Variants in RAD9B observed in about 807,000 individuals in gnomAD.
RAD9B encodes the protein RAD9 checkpoint clamp component B.
Under a neutral mutation model 48.3 loss-of-function variants are expected in RAD9B, and 41 were observed. The ratio of observed to expected loss-of-function variants is 0.85; its 90% confidence interval spans 0.66 to 1.10. The LOEUF (loss-of-function observed/expected upper bound fraction) is 1.10. Among genes scored for constraint, RAD9B ranks in the 50% least tolerant of loss-of-function variants. RAD9B has a pLI of 0.00. For synonymous variants in RAD9B, 160 were observed against 157.9 expected (o/e 1.01, Z -0.10); for missense variants, 444 against 485.1 (o/e 0.92, Z 0.80).
chr12:110,527,021 A>G (rs888422583), intron 10 of RAD9B, among the ~76,000 whole-genome samples: 2 of 152,146 alleles, frequency 1.3e-5, no homozygotes, highest in Non-Finnish European at 2.9e-5. Context: ...TTGAAACAAC[A>G]TGAATTGAGT....
chr12:110,531,066 T>C lies in RAD9B; in HGVS notation c.*413T>C, dbSNP rs889015028. 2.0e-6 allele frequency: 2 copies of C among 999,016 alleles called. No individual in the cohort carries two copies. The highest frequency in any genetic ancestry group is 1.7e-5 in the African/African-American group (1 of 57,482). 61.9% of individuals were successfully genotyped at this position (999,016 alleles called of 1,614,324 possible). A position where few individuals can be genotyped will look rare whatever the true frequency, so the allele number is the denominator to read the frequency against. Reference sequence around the variant, plus strand: ...GTAGTCAGGTATCTTTTGTATTTGATTGCAAACATTTGGATTTTAGTTTTC... The same window carrying C: ...GTAGTCAGGTATCTTTTGTATTTGACTGCAAACATTTGGATTTTAGTTTTC... On this transcript the variant is annotated 3_prime_UTR_variant, in exon 11 of 11. Transcript: ENST00000409300.
chr12:110,522,697 A>T (rs1006616238), intron 10 of RAD9B, among the ~76,000 whole-genome samples: 2 of 152,220 alleles, frequency 1.3e-5, no homozygotes, highest in East Asian at 1.9e-4. Context: ...AGAATAAATT[A>T]TGATTTTTTT....
intron 6 of RAD9B, among the ~76,000 whole-genome samples, chr12:110,515,504 T>TA (rs897853422): frequency 1.3e-5 from 2 of 151,804 alleles, no homozygotes; most frequent in Admixed American, 6.6e-5. Flanking sequence ...CTACTAAAAA[T>TA]AAAAAAATTA....
intron 4 of RAD9B, among the ~76,000 whole-genome samples, chr12:110,510,065 G>C (rs954672719): frequency 6.6e-6 from 1 of 152,040 alleles, no homozygotes; most frequent in Non-Finnish European, 1.5e-5. Flanking sequence ...ATGTCACTTC[G>C]GTGCTCAAAA....
In RAD9B at chr12:110,506,655, ATAAATGCAAAGTAGT is replaced by A. The variant is rs2063280993; in HGVS notation, c.353_367del (p.Lys118_Val122del). ...AAGTGCAGAATATTCACCAGATCTGATAAATGCAAAGTAGTTATTCAATTCTTCTACAGACATGGT... is the reference window on the plus strand; with the variant it reads ...AAGTGCAGAATATTCACCAGATCTGATATTCAATTCTTCTACAGACATGGT... On this transcript the variant is annotated inframe_deletion, in exon 4 of 11. Transcript: ENST00000409300. 6.3e-7 allele frequency: 1 copy of A among 1,593,750 alleles called. No homozygotes were observed. The highest frequency in any genetic ancestry group is 1.3e-5 in the African/African-American group (1 of 74,520).
chr12:110,502,444 T>C (rs1565870612), intron 1 of RAD9B, 61 bp downstream of exon 1: 1 of 1,574,184 alleles, frequency 6.4e-7, no homozygotes, highest in Non-Finnish European at 8.7e-7. Context: ...TAATAGGTCG[T>C]CCCTACCATT....
intron 8 of RAD9B, 106 bp downstream of exon 8, chr12:110,519,044 T>C (rs569665639): frequency 4.0e-6 from 3 of 743,256 alleles, no homozygotes; most frequent in Non-Finnish European, 6.6e-6. Context: ...ATACCTAAAC[T>C]TTACTATTAA....
At chr12:110,521,927 C>A (rs1018488500) in intron 9 of RAD9B, among the ~76,000 whole-genome samples, 1 of 152,140 alleles carries the variant, frequency 6.6e-6, no homozygotes, top group Non-Finnish European at 1.5e-5. Context: ...GACTTTTCCC[C>A]TAACTTGCTC....
intron 4 of RAD9B, among the ~76,000 whole-genome samples, chr12:110,512,321 G>A (rs1406399615): frequency 6.6e-6 from 1 of 151,224 alleles, no homozygotes; most frequent in Non-Finnish European, 1.5e-5. Context: ...ACTGATTTTT[G>A]TATTTTTAGT....
chr12:110,505,213 C>T (rs994620123), intron 2 of RAD9B, among the ~76,000 whole-genome samples: 14 of 151,848 alleles, frequency 9.2e-5, no homozygotes, highest in African/African-American at 3.4e-4. Context: ...AATAAATTAA[C>T]AGACTTGTCC....
chr12:110,530,705 C>T lies in RAD9B; in HGVS notation c.*52C>T, dbSNP rs2064114768. On this transcript the variant is annotated 3_prime_UTR_variant, in exon 11 of 11. Coordinates refer to ENST00000409300, the MANE Select transcript of RAD9B (RefSeq NM_001286535.2). The stretch of plus-strand genomic sequence containing the variant: ...CAGCCCAGTGACTGGCTCATTTGCC[C>T]CTCAAGCACGAGTTTGCATGTTTAG... 1.9e-6 allele frequency: 3 copies of T among 1,607,846 alleles called. No individual in the cohort carries two copies. The highest frequency in any genetic ancestry group is 2.2e-5 in the East Asian group (1 of 44,780).
At chr12:110,513,731 TTATTA>T (rs1350454307) in intron 5 of RAD9B, among the ~76,000 whole-genome samples, 1,934 of 126,246 alleles carry the variant, frequency 0.015, 25 homozygotes, top group South Asian at 0.053. Flanking sequence ...ATTATTATTA[TTATTA>T]TTTTTGAGAC....
At position 110,519,820 on chromosome 12, in the gene RAD9B, T is replaced by A; in HGVS notation, c.794T>A (p.Met265Lys). ...CCTCTGGCTTTGAGTATTGATGATA[T>A]GTTAGTGGAAGCTAACTTTATTTTG... ...GKPLALSIDD[M>K]LVEANFILAT... is the part of the protein sequence containing the mutation. Residue 265 changes from methionine to lysine, a missense_variant, in exon 9 of 11, where the codon ATG (methionine) becomes AAG (lysine). Transcript: ENST00000409300. 6.2e-7 allele frequency: 1 copy of A among 1,613,120 alleles called. No homozygotes were observed. The highest frequency in any genetic ancestry group is 8.5e-7 in the Non-Finnish European group (1 of 1,179,634).
rs1286849071 is a variant in RAD9B, at chr12:110,518,771, A to G, written c.691A>G (p.Lys231Glu). Residue 231 changes from lysine (K) to glutamate (E), a missense_variant, in exon 7 of 11, where the codon AAA (lysine) becomes GAA (glutamate). Lys to Glu is a moderately conservative substitution (Grantham distance 56). Coordinates refer to ENST00000409300, the MANE Select transcript of RAD9B (RefSeq NM_001286535.2). ...GGACACTGAGATAACATTTTGTTTC[A>G]AAGAATTGAAGGTAAATAAAGATTT... ...GMDTEITFCF[K>E]ELKGILTFSE... 4 of 1,599,928 alleles carry G rather than the reference A, an allele frequency of 2.5e-6. No individual in the cohort carries two copies. The highest frequency in any genetic ancestry group is 3.4e-6 in the Non-Finnish European group (4 of 1,171,438).
rs147967260 is a variant in RAD9B at position 110,502,545 on chromosome 12, G to A, written c.46+162G>A. ...CCCACTCAAGTCCCTGTTAACTTCT[G>A]AGGGGAGGATGAGGACCCATCTCGT... On this transcript the variant is annotated intron_variant, in intron 1 of 10. Transcript: ENST00000409300. 160 of 743,498 alleles carry A rather than the reference G, an allele frequency of 2.2e-4. No homozygotes were observed. In the African/African-American group the frequency reaches 2.4e-3, roughly 11 times the overall value. The allele number at this position is 743,498 out of a possible 1,614,324, so 46.1% of individuals were successfully genotyped here. A position where few individuals can be genotyped will look rare whatever the true frequency, so the allele number is the denominator to read the frequency against.
chr12:110,511,938 C>T (rs1250618644), intron 4 of RAD9B, among the ~76,000 whole-genome samples: 1 of 152,022 alleles, frequency 6.6e-6, no homozygotes, highest in Non-Finnish European at 1.5e-5. Context: ...CCTCCACCTC[C>T]TGGGTTCAAG....
chr12:110,515,613 A>AT (rs2063582772), intron 6 of RAD9B, among the ~76,000 whole-genome samples: 1 of 152,230 alleles, frequency 6.6e-6, no homozygotes, highest in South Asian at 2.1e-4. Flanking sequence ...ATGAGCCAAG[A>AT]TTGCACCATT....
In RAD9B at chr12:110,530,797, TACA is replaced by T; in HGVS notation, c.*150_*152del. On this transcript the variant is annotated 3_prime_UTR_variant, in exon 11 of 11. Transcript: ENST00000409300. ...TGGGCTTTTAAACCACATCATCTTGTACAACAACCATATCTAGAAATAGCTGTT... is the reference window on the plus strand; with the variant it reads ...TGGGCTTTTAAACCACATCATCTTGTACAACCATATCTAGAAATAGCTGTT... 6.9e-7 allele frequency: 1 copy of T among 1,449,432 alleles called. No homozygotes were observed. The highest frequency in any genetic ancestry group is 1.4e-5 in the African/African-American group (1 of 70,724). The allele number at this position is 1,449,432 out of a possible 1,614,324, so 89.8% of individuals were successfully genotyped here.
At chr12:110,512,171 G>C (rs1283113745) in intron 4 of RAD9B, among the ~76,000 whole-genome samples, 1 of 119,262 alleles carries the variant, frequency 8.4e-6, no homozygotes, top group Non-Finnish European at 1.7e-5. Flanking sequence ...TTTTGAGACA[G>C]AGTCTCACTC....
Sources: allele counts gnomAD v4.1 joint callset (sites outside exome capture counted in the v4.1 genomes callset), GRCh38; gene constraint gnomAD v4.1.1; transcripts MANE v1.5; gene names NCBI Gene and HGNC (gene_info 2026-07-23, HGNC 2026-07-21).